Variants in CAMKMT observed in about 807,000 individuals in gnomAD.
CAMKMT encodes the protein calmodulin-lysine N-methyltransferase, also known as CaM KMT.
A neutral mutation model predicts 48.0 loss-of-function variants in CAMKMT; 53 were observed. The observed-to-expected ratio is 1.10, with a 90% CI of 0.89 to 1.39. CAMKMT has a LOEUF of 1.39. Ranked by LOEUF, CAMKMT falls within the 40% of genes most tolerant of loss-of-function variation. The pLI, the probability that CAMKMT is intolerant of heterozygous loss-of-function variation, is 0.00. For missense variants in CAMKMT, 428 were observed against 402.7 expected (o/e 1.06, Z -0.54); for synonymous variants, 165 against 152.3 (o/e 1.08, Z -0.61).
At chr2:44,468,581 C>G (rs1668250144) in intron 3 of CAMKMT, among the ~76,000 whole-genome samples, 1 of 152,062 alleles carries the variant, frequency 6.6e-6, no homozygotes, top group South Asian at 2.1e-4. Flanking sequence ...TCATAGTAGC[C>G]AAGATATGGA....
At chr2:44,632,824 A>G (rs1304974181) in intron 3 of CAMKMT, among the ~76,000 whole-genome samples, 2 of 152,194 alleles carry the variant, frequency 1.3e-5, no homozygotes, top group African/African-American at 4.8e-5. Context: ...CCCAGCCTAC[A>G]TCTTTCTCCT....
chr2:44,671,391 C>T (rs745397069), intron 3 of CAMKMT, among the ~76,000 whole-genome samples: 3 of 152,212 alleles, frequency 2.0e-5, no homozygotes, highest in Non-Finnish European at 2.9e-5. Context: ...AACAGGAATA[C>T]ACTGCAAAAA....
intron 3 of CAMKMT, among the ~76,000 whole-genome samples, chr2:44,671,394 T>G (rs1267262710): frequency 1.3e-5 from 2 of 152,218 alleles, no homozygotes; most frequent in Non-Finnish European, 2.9e-5. Flanking sequence ...AGGAATACAC[T>G]GCAAAAATTA....
intron 9 of CAMKMT, among the ~76,000 whole-genome samples, chr2:44,763,171 C>G (rs1345572246): frequency 2.0e-5 from 3 of 152,046 alleles, no homozygotes; most frequent in Admixed American, 2.0e-4. Flanking sequence ...CTTTTCCATC[C>G]TAACTATTAA....
intron 3 of CAMKMT, among the ~76,000 whole-genome samples, chr2:44,607,812 G>A (rs1219694771): frequency 1.3e-5 from 2 of 151,786 alleles, no homozygotes; most frequent in Non-Finnish European, 2.9e-5. Context: ...TGTTATATAT[G>A]CTCATTACTT....
At chr2:44,557,567 C>T (rs1293883784) in intron 3 of CAMKMT, among the ~76,000 whole-genome samples, 1 of 152,086 alleles carries the variant, frequency 6.6e-6, no homozygotes, top group Non-Finnish European at 1.5e-5. Flanking sequence ...TTCCTTCTTT[C>T]CTCCCTCCTT....
intron 6 of CAMKMT, among the ~76,000 whole-genome samples, chr2:44,712,343 C>G (rs905273100): frequency 1.3e-5 from 2 of 152,076 alleles, no homozygotes; most frequent in South Asian, 2.1e-4. Context: ...AACATGCCAA[C>G]TCTCAAAATA....
At chr2:44,607,218 C>G (rs1558740377) in intron 3 of CAMKMT, among the ~76,000 whole-genome samples, 1 of 152,068 alleles carries the variant, frequency 6.6e-6, no homozygotes, top group Non-Finnish European at 1.5e-5. Flanking sequence ...TTCAGAATGC[C>G]CCAGTAATGC....
At chr2:44,379,102 G>A (rs1342198499) in intron 2 of CAMKMT, among the ~76,000 whole-genome samples, 2 of 152,150 alleles carry the variant, frequency 1.3e-5, no homozygotes, top group Non-Finnish European at 2.9e-5. Flanking sequence ...CTGGCAACCA[G>A]TACTTGACTT....
At chr2:44,372,124 C>G (rs7567491) in intron 1 of CAMKMT, among the ~76,000 whole-genome samples, 2 of 152,220 alleles carry the variant, frequency 1.3e-5, no homozygotes, top group African/African-American at 4.8e-5. Context: ...AGAATTGACA[C>G]ATATCCCCAG....
chr2:44,454,575 A>T (rs1260272972), intron 3 of CAMKMT, among the ~76,000 whole-genome samples: 1 of 152,168 alleles, frequency 6.6e-6, no homozygotes, highest in African/African-American at 2.4e-5. Flanking sequence ...CTTAAAAGTT[A>T]GCTTTGCTTA....
At chr2:44,624,715 C>T (rs1021061041) in intron 3 of CAMKMT, among the ~76,000 whole-genome samples, 1 of 152,116 alleles carries the variant, frequency 6.6e-6, no homozygotes. Context: ...TTTCTTAATC[C>T]AGTCTATCAT....
At chr2:44,614,819 C>G (rs934158157) in intron 3 of CAMKMT, among the ~76,000 whole-genome samples, 1 of 151,994 alleles carries the variant, frequency 6.6e-6, no homozygotes, top group Non-Finnish European at 1.5e-5. Context: ...GCTTCACACA[C>G]ACCAGCAATT....
chr2:44,558,837 C>T (rs892046924), intron 3 of CAMKMT, among the ~76,000 whole-genome samples: 1 of 152,110 alleles, frequency 6.6e-6, no homozygotes, highest in African/African-American at 2.4e-5. Flanking sequence ...GTATTATGTT[C>T]ACTACCTTGG....
intron 3 of CAMKMT, among the ~76,000 whole-genome samples, chr2:44,392,618 A>T (rs565177215): frequency 1.3e-5 from 2 of 151,988 alleles, no homozygotes; most frequent in Non-Finnish European, 1.5e-5. Flanking sequence ...TAATAACCCT[A>T]AGCTTTTACC....
chr2:44,501,436 A>G (rs1670001362), intron 3 of CAMKMT, among the ~76,000 whole-genome samples: 1 of 152,160 alleles, frequency 6.6e-6, no homozygotes, highest in South Asian at 2.1e-4. Context: ...GAAAGGGTCT[A>G]TTTTAAATGC....
At chr2:44,617,513 A>C (rs1400702082) in intron 3 of CAMKMT, among the ~76,000 whole-genome samples, 1 of 152,248 alleles carries the variant, frequency 6.6e-6, no homozygotes, top group Non-Finnish European at 1.5e-5. Flanking sequence ...TCAATTGTAA[A>C]TTATTTTGGA....
At chr2:44,753,433 A>G (rs1490735934) in intron 8 of CAMKMT, among the ~76,000 whole-genome samples, 3 of 151,844 alleles carry the variant, frequency 2.0e-5, no homozygotes, top group Non-Finnish European at 4.4e-5. Flanking sequence ...GAAAGAAAAC[A>G]AAGAAAAGAA....
At chr2:44,472,062 A>C (rs1192294334) in intron 3 of CAMKMT, among the ~76,000 whole-genome samples, 2 of 152,128 alleles carry the variant, frequency 1.3e-5, no homozygotes, top group African/African-American at 4.8e-5. Context: ...TCCTAAAAGA[A>C]TTAAATGGGC....
Sources: gnomAD v4.1 joint callset for allele counts (sites outside exome capture counted in the v4.1 genomes callset) on GRCh38, gnomAD v4.1.1 for gene constraint, MANE v1.5 for transcripts, NCBI Gene and HGNC (gene_info 2026-07-23, HGNC 2026-07-21) for gene names.